The following GABBR2 variants were observed in gnomAD, a reference collection of about 807,000 sequenced individuals.
GABBR2 encodes G-protein coupled receptor 51.
Under a neutral mutation model 105.6 loss-of-function variants are expected in GABBR2, and 23 were observed. That is an observed-to-expected ratio of 0.22 (90% CI 0.16 to 0.31). The LOEUF is 0.31. GABBR2 is among the 10% of genes least tolerant of loss of function. The pLI is 1.00. For missense variants in GABBR2, 734 were observed against 1,245.5 expected, an observed-to-expected ratio of 0.59 and a Z score of 6.18; for synonymous variants, 478 against 499.7, an observed-to-expected ratio of 0.96 and a Z score of 0.58.
chr9:98,349,344 G>GTTTTTTTTTTTTTTTTTTTTTTTTT lies in GABBR2; in HGVS notation c.1893+13370_1893+13371insAAAAAAAAAAAAAAAAAAAAAAAAA, dbSNP rs1564026872. ...TTTGGTTTGCCAATATTTTGTTGAA[G>GTTTTTTTTTTTTTTTTTTTTTTTTT]TTTTGTTTTTTTTTTTTTTTTTTTT... is the stretch of plus-strand genomic sequence containing the variant. On this transcript the variant is annotated intron_variant, in intron 13 of 18. Transcript: ENST00000259455. Among the ~76,000 whole-genome samples, 9 of 105,504 alleles carry GTTTTTTTTTTTTTTTTTTTTTTTTT rather than the reference G, an allele frequency of 8.5e-5. 2 individuals carry two copies. The highest frequency in any genetic ancestry group is 1.6e-4 in the Non-Finnish European group (9 of 55,464). 69.2% of individuals were successfully genotyped at this position (105,504 alleles called of 152,430 possible).
intron 1 of GABBR2, among the ~76,000 whole-genome samples, chr9:98,702,314 C>T (rs1830840475): frequency 6.6e-6 from 1 of 151,990 alleles, no homozygotes; most frequent in African/African-American, 2.4e-5. Flanking sequence ...CTCTGTTGCC[C>T]CTCCTGCCCT....
chr9:98,440,003 T>C (rs560674092), intron 7 of GABBR2, among the ~76,000 whole-genome samples: 1 of 152,338 alleles, frequency 6.6e-6, no homozygotes, highest in Admixed American at 6.5e-5. Context: ...CCTGAGAATA[T>C]TGGCTACTGA....
At chr9:98,682,346 T>C (rs1434410545) in intron 1 of GABBR2, among the ~76,000 whole-genome samples, 2 of 144,284 alleles carry the variant, frequency 1.4e-5, no homozygotes, top group Admixed American at 7.0e-5. Context: ...ACACACGAGA[T>C]AGGAGATGGA....
chr9:98,640,476 C>G (rs970722673), intron 1 of GABBR2, among the ~76,000 whole-genome samples: 19 of 152,288 alleles, frequency 1.2e-4, no homozygotes, highest in Middle Eastern at 3.4e-3. Flanking sequence ...CATGAAACCA[C>G]TCTGATGCCC....
In GABBR2 at chr9:98,306,087, G is replaced by C; in HGVS notation, c.2229+34C>G. 2 of 1,470,452 alleles carry C rather than the reference G, an allele frequency of 1.4e-6. No individual in the cohort carries two copies. The highest frequency in any genetic ancestry group is 1.7e-5 in the Admixed American group (1 of 58,906). 91.1% of individuals were successfully genotyped at this position (1,470,452 alleles called of 1,614,324 possible). On this transcript the variant is annotated intron_variant, in intron 15 of 18. Transcript: ENST00000259455. This position sits in a 1 kb window ranked among gnomAD's most constrained non-coding sequence, Gnocchi z 5.4. The stretch of plus-strand genomic sequence containing the variant: ...CAATGCCCCTGTGCTGGAGTCAGAG[G>C]GCAGAGGCCAGGTGGTGGGGCCAGC...
intron 1 of GABBR2, among the ~76,000 whole-genome samples, chr9:98,693,914 T>TA (rs1383648140): frequency 8.5e-5 from 13 of 152,310 alleles, no homozygotes; most frequent in Middle Eastern, 3.4e-3. Context: ...ATCTGATGGT[T>TA]AAAAACCCAG....
At chr9:98,689,447 GT>G (rs1830658861) in intron 1 of GABBR2, among the ~76,000 whole-genome samples, 1 of 152,212 alleles carries the variant, frequency 6.6e-6, no homozygotes, top group Admixed American at 6.5e-5. Context: ...TGGGGAATGT[GT>G]TTGCTTTGAC....
At chr9:98,676,405 T>G (rs1314140823) in intron 1 of GABBR2, among the ~76,000 whole-genome samples, 1 of 152,212 alleles carries the variant, frequency 6.6e-6, no homozygotes, top group East Asian at 1.9e-4. Context: ...GTGGTAAATT[T>G]TTATAGCACC....
intron 7 of GABBR2, among the ~76,000 whole-genome samples, chr9:98,422,708 C>T (rs1462518669): frequency 2.0e-5 from 3 of 151,416 alleles, no homozygotes; most frequent in South Asian, 2.1e-4. Flanking sequence ...TGTGCTGCAC[C>T]CATTAACTCG....
chr9:98,290,646 T>TG lies in GABBR2; in HGVS notation c.2763dup (p.Thr922HisfsTer33). 1 of 1,436,248 alleles carries TG rather than the reference T, an allele frequency of 7.0e-7. No individual in the cohort carries two copies. The highest frequency in any genetic ancestry group is 1.6e-5 in the South Asian group (1 of 61,230). 89.0% of individuals were successfully genotyped at this position (1,436,248 alleles called of 1,614,324 possible). A position where few individuals can be genotyped will look rare whatever the true frequency, so the allele number is the denominator to read the frequency against. ...ACATGTCTGTGGCGGGGGCTGGCGGTGGGGCTGACGCAGGGGCTGACACAG... is the reference window on the plus strand; with the variant it reads ...ACATGTCTGTGGCGGGGGCTGGCGGTGGGGGCTGACGCAGGGGCTGACACAG... On this transcript the variant is annotated frameshift_variant, in exon 19 of 19. Transcript: ENST00000259455. LOFTEE classifies it high-confidence loss of function.
At chr9:98,353,808 G>T (rs112445927) in intron 13 of GABBR2, among the ~76,000 whole-genome samples, 1 of 3,226 alleles carries the variant, frequency 3.1e-4, no homozygotes, top group Non-Finnish European at 5.7e-4. Flanking sequence ...GATCATGGTG[G>T]GGGGGGGTGG....
In GABBR2 at chr9:98,656,243, C is replaced by T. The variant is rs189543237; in HGVS notation, c.321+52174G>A. ...CAGGAGATATTAAGGGTGGATATGG[C>T]GGAGAGGAGGAAGGGGTGTGGAGGA... is the stretch of plus-strand genomic sequence containing the variant. On this transcript the variant is annotated intron_variant, in intron 1 of 18. Transcript: ENST00000259455. Among the ~76,000 whole-genome samples, 855 of 151,952 alleles carry T rather than the reference C, an allele frequency of 5.6e-3. 4 individuals are homozygous for T. The highest frequency in any genetic ancestry group is 9.1e-3 in the Non-Finnish European group (618 of 67,948).
chr9:98,621,495 A>G (rs1829670124), intron 1 of GABBR2, among the ~76,000 whole-genome samples: 1 of 152,208 alleles, frequency 6.6e-6, no homozygotes, highest in African/African-American at 2.4e-5. Flanking sequence ...TCAGTCAGCT[A>G]GTGTTCACAG....
intron 1 of GABBR2, among the ~76,000 whole-genome samples, chr9:98,641,849 G>C (rs1564138891): frequency 6.6e-6 from 1 of 152,172 alleles, no homozygotes; most frequent in African/African-American, 2.4e-5. Context: ...TAGAATAAAA[G>C]GAGAGAAGGC....
chr9:98,671,201 TTCTG>T (rs1830402832), intron 1 of GABBR2, among the ~76,000 whole-genome samples: 1 of 152,074 alleles, frequency 6.6e-6, no homozygotes, highest in Admixed American at 6.5e-5. Context: ...CTAATCTACT[TTCTG>T]TCTATGTATT....
At chr9:98,606,854 G>T in intron 1 of GABBR2, 1 of 496,212 alleles carries the variant, frequency 2.0e-6, no homozygotes, top group South Asian at 2.0e-5. Context: ...CTGCTGCTGA[G>T]GAGAGAAGCG....
chr9:98,383,955 C>T (rs1413007062), intron 11 of GABBR2, among the ~76,000 whole-genome samples: 2 of 152,182 alleles, frequency 1.3e-5, no homozygotes, highest in Non-Finnish European at 2.9e-5. Context: ...CCTCATCATC[C>T]AGCAGTGGGC....
intron 2 of GABBR2, among the ~76,000 whole-genome samples, chr9:98,550,757 G>A (rs1828473826): frequency 1.3e-5 from 2 of 152,148 alleles, no homozygotes; most frequent in Non-Finnish European, 2.9e-5. Flanking sequence ...AGGGGTGATG[G>A]CAGGATGTAA....
chr9:98,480,983 C>T lies in GABBR2; in HGVS notation c.747G>A (p.Arg249=). 6.2e-7 allele frequency: 1 copy of T among 1,603,420 alleles called. No homozygotes were observed. The highest frequency in any genetic ancestry group is 2.2e-5 in the East Asian group (1 of 44,830). ...SVKKLKGNDV[R]IILGQFDQNM... ...TCTGGTCAAACTGGCCAAGGATGAT[C>T]CGCACATCATTCCCCTGTGGATGGA... is the stretch of plus-strand genomic sequence containing the variant. The change falls in exon 5 of 19, where the codon CGG becomes CGA. Residue 249 remains arginine (R), a synonymous_variant. Transcript: ENST00000259455.
Sources: gnomAD v4.1 joint callset for allele counts (sites outside exome capture counted in the v4.1 genomes callset) on GRCh38, gnomAD v4.1.1 for gene constraint, Gnocchi (gnomAD v3.1) non-coding constraint, MANE v1.5 for transcripts, NCBI Gene and HGNC (gene_info 2026-07-23, HGNC 2026-07-21) for gene names.